RIT2: variants seen among roughly 807,000 people sequenced by gnomAD.
RIT2 encodes GTP-binding protein Rit2.
Under a neutral mutation model 23.7 loss-of-function variants are expected in RIT2, and 24 were observed. The ratio of observed to expected loss-of-function variants is 1.01; its 90% confidence interval spans 0.73 to 1.43. The LOEUF (loss-of-function observed/expected upper bound fraction) is 1.43. RIT2 is among the 40% of genes most tolerant of loss of function. RIT2 has a pLI of 0.00. For missense variants in RIT2, 236 were observed against 266.9 expected (o/e 0.88, Z 0.81); for synonymous variants, 107 against 91.1 (o/e 1.17, Z -0.99).
chr18:42,905,979 T>TATATATATATATGTATATATATATATAC (rs1258728717), intron 4 of RIT2, among the ~76,000 whole-genome samples: 3 of 1,446 alleles, frequency 2.1e-3, no homozygotes, highest in South Asian at 8.6e-3. Flanking sequence ...CAAATTGAAA[T>TATATATATATATGTATATATATATATAC]ATATATATAT....
chr18:42,880,325 G>A (rs1490017642), intron 4 of RIT2, among the ~76,000 whole-genome samples: 1 of 152,040 alleles, frequency 6.6e-6, no homozygotes, highest in South Asian at 2.1e-4. Context: ...GCTAGCTAAA[G>A]ATCTGCTTTC....
At chr18:42,764,474 T>C (rs908899783) in intron 4 of RIT2, among the ~76,000 whole-genome samples, 7 of 152,182 alleles carry the variant, frequency 4.6e-5, no homozygotes, top group Non-Finnish European at 7.3e-5. Context: ...TTGCATTTTT[T>C]AGAATGTATT....
In RIT2 at chr18:43,009,945, C is replaced by T. The variant is rs531406226; in HGVS notation, c.160+23866G>A. ...CTCTGTCATGTTCCCCTTATTCCCA[C>T]CACTAGACTCAATTAACTCTCCCAG... On this transcript the variant is annotated intron_variant, in intron 2 of 4. Transcript: ENST00000326695. 2.6e-5 allele frequency among the ~76,000 whole-genome samples: 4 copies of T among 151,856 alleles called. No homozygotes were observed. The South Asian group carries it at 6.2e-4, about 24-fold the overall frequency.
intron 3 of RIT2, among the ~76,000 whole-genome samples, chr18:42,926,586 G>A (rs962345193): frequency 6.6e-6 from 1 of 151,848 alleles, no homozygotes; most frequent in Admixed American, 6.6e-5. Flanking sequence ...AACCTGTTAG[G>A]AAGACAAGCA....
intron 3 of RIT2, among the ~76,000 whole-genome samples, chr18:42,959,320 A>G (rs983277592): frequency 1.3e-5 from 2 of 152,204 alleles, no homozygotes; most frequent in African/African-American, 4.8e-5. Context: ...TAAGACAACA[A>G]AAATGCTTTT....
intron 1 of RIT2, among the ~76,000 whole-genome samples, chr18:43,047,484 A>T (rs1157762109): frequency 1.3e-5 from 2 of 152,164 alleles, no homozygotes; most frequent in African/African-American, 4.8e-5. Flanking sequence ...TTGGTGACTA[A>T]AAACCAAAAC....
chr18:42,944,948 A>G lies in RIT2; in HGVS notation c.235-21185T>C, dbSNP rs532191467. Among the ~76,000 whole-genome samples, 9 of 152,210 alleles carry G rather than the reference A, an allele frequency of 5.9e-5. No homozygotes were observed. The South Asian group carries it at 1.7e-3, about 28-fold the overall frequency. ...CTGGAAAGTCTCTCTGCATTGAACC[A>G]TCTAGGAGAGACAAGAGGGCAGTTG... On this transcript the variant is annotated intron_variant, in intron 3 of 4. Coordinates refer to ENST00000326695, the MANE Select transcript of RIT2 (RefSeq NM_002930.4).
At chr18:43,012,593 G>A (rs901742158) in intron 2 of RIT2, among the ~76,000 whole-genome samples, 2 of 150,946 alleles carry the variant, frequency 1.3e-5, no homozygotes, top group Non-Finnish European at 3.0e-5. Flanking sequence ...CATTTTATTG[G>A]TTTTTCTTTT....
chr18:42,850,075 C>CTG (rs1907010242), intron 4 of RIT2, among the ~76,000 whole-genome samples: 3 of 90,972 alleles, frequency 3.3e-5, no homozygotes, highest in East Asian at 2.9e-4. Flanking sequence ...AAAAATACAC[C>CTG]CGTGTGTGTG....
At chr18:42,934,154 G>A (rs1050448591) in intron 3 of RIT2, among the ~76,000 whole-genome samples, 1 of 151,742 alleles carries the variant, frequency 6.6e-6, no homozygotes, top group Admixed American at 6.6e-5. Context: ...AATATAGTAG[G>A]AAAAAATTTA....
chr18:42,823,895 C>T (rs1262838728), intron 4 of RIT2, among the ~76,000 whole-genome samples: 2 of 152,014 alleles, frequency 1.3e-5, no homozygotes, highest in African/African-American at 4.8e-5. Context: ...CCTGTTCAAG[C>T]GTGGGGAAGT....
At chr18:43,001,861 G>C (rs556086077) in intron 2 of RIT2, among the ~76,000 whole-genome samples, 6 of 152,060 alleles carry the variant, frequency 3.9e-5, no homozygotes, top group Non-Finnish European at 7.4e-5. Context: ...CAATTAAGAT[G>C]AGGAATAACT....
intron 4 of RIT2, among the ~76,000 whole-genome samples, chr18:42,798,570 T>G (rs72903088): frequency 6.6e-6 from 1 of 152,186 alleles, no homozygotes; most frequent in South Asian, 2.1e-4. Context: ...AGAAATTAAA[T>G]TGGAAAGATA....
rs79646209 is a variant in RIT2, at chr18:43,047,207, T to C, written c.104-13340A>G. 4.5e-3 allele frequency among the ~76,000 whole-genome samples: 683 copies of C among 152,222 alleles called. 6 individuals carry two copies. The highest frequency in any genetic ancestry group is 0.016 in the African/African-American group (653 of 41,538). On this transcript the variant is annotated intron_variant, in intron 1 of 4. Coordinates refer to ENST00000326695, the MANE Select transcript of RIT2 (RefSeq NM_002930.4). ...TGTCATATATTCATGGCTATTGTGC[T>C]TATATCTCTCCCTTTTTTCTTATAA... is the stretch of plus-strand genomic sequence containing the variant.
chr18:42,806,408 G>T (rs191290064), intron 4 of RIT2, among the ~76,000 whole-genome samples: 1 of 152,188 alleles, frequency 6.6e-6, no homozygotes, highest in East Asian at 1.9e-4. Context: ...GGCAGAGGTT[G>T]CAGTGAGCTG....
intron 1 of RIT2, among the ~76,000 whole-genome samples, chr18:43,041,845 G>C (rs1912135672): frequency 6.6e-6 from 1 of 151,820 alleles, no homozygotes; most frequent in Admixed American, 6.6e-5. Flanking sequence ...CACCCTCCTT[G>C]GAATGTCAGT....
intron 4 of RIT2, among the ~76,000 whole-genome samples, chr18:42,812,804 C>T (rs1290693409): frequency 1.3e-5 from 2 of 152,120 alleles, no homozygotes; most frequent in East Asian, 1.9e-4. Flanking sequence ...ATTTATCCTG[C>T]CCAGAGACAA....
chr18:42,743,860 C>A (rs1912855604), intron 4 of RIT2, 140 bp from the exon 5 acceptor site: 1 of 629,188 alleles, frequency 1.6e-6, no homozygotes, highest in Non-Finnish European at 2.7e-6. Context: ...CAGGTATACG[C>A]CCAGATGGCC....
At chr18:43,008,759 GA>G (rs567831772) in intron 2 of RIT2, among the ~76,000 whole-genome samples, 12 of 150,982 alleles carry the variant, frequency 7.9e-5, no homozygotes, top group African/African-American at 2.4e-4. Context: ...TTCTATCTTG[GA>G]AAAAAAATGT....
Sources: gnomAD v4.1 joint callset for allele counts (sites outside exome capture counted in the v4.1 genomes callset) on GRCh38, gnomAD v4.1.1 for gene constraint, MANE v1.5 for transcripts, NCBI Gene and HGNC (gene_info 2026-07-23, HGNC 2026-07-21) for gene names.